The following SYNE1 variants were observed in gnomAD, a reference collection of about 807,000 sequenced individuals.
SYNE1 encodes spectrin repeat containing nuclear envelope protein 1.
SYNE1 carries 616 observed loss-of-function variants against 1,111.0 expected under a neutral mutation model. The ratio of observed to expected loss-of-function variants is 0.55; its 90% CI spans 0.52 to 0.59. The LOEUF (loss-of-function observed/expected upper bound fraction) is 0.59, where lower values mean the gene tolerates loss of function less well. SYNE1 is among the 20% of genes least tolerant of loss of function. The probability of loss-of-function intolerance (pLI) is 0.00; values close to 1 mark genes in which losing one functional copy is unlikely to be tolerated. For missense variants in SYNE1, 10,006 were observed against 10,417.0 expected, an observed-to-expected ratio of 0.96 and a Z score of 1.72; for synonymous variants, 3,855 against 3,825.8, an observed-to-expected ratio of 1.01 and a Z score of -0.28.
chr6:152,286,795 T>A (rs1262849984), intron 95 of SYNE1, among the ~76,000 whole-genome samples: 1 of 152,248 alleles, frequency 6.6e-6, no homozygotes, highest in East Asian at 1.9e-4. Context: ...CTTAATAATA[T>A]CTGTTGATGG....
At chr6:152,350,837 C>T in intron 70 of SYNE1, 67 bp from the exon 71 acceptor site, 2 of 1,582,676 alleles carry the variant, frequency 1.3e-6, no homozygotes, top group Non-Finnish European at 1.7e-6. Flanking sequence ...CATACATATT[C>T]CCATGGTATG....
chr6:152,276,853 G>T (rs1372847361), intron 98 of SYNE1, among the ~76,000 whole-genome samples: 1 of 151,752 alleles, frequency 6.6e-6, no homozygotes, highest in Non-Finnish European at 1.5e-5. Context: ...TAGCAAGAAG[G>T]GTAGGGAAGA....
chr6:152,443,669 A>G (rs1396381883), intron 30 of SYNE1, among the ~76,000 whole-genome samples: 1 of 152,194 alleles, frequency 6.6e-6, no homozygotes, highest in Non-Finnish European at 1.5e-5. Context: ...TACAGAATAT[A>G]TATGTATATA....
chr6:152,539,823 T>G, intron 4 of SYNE1, 137 bp downstream of exon 4: 1 of 1,013,014 alleles, frequency 9.9e-7, no homozygotes, highest in Non-Finnish European at 1.6e-6. Context: ...AGGCAACAGC[T>G]AGACCAACCA....
chr6:152,419,000 A>C (rs527763900), intron 40 of SYNE1, among the ~76,000 whole-genome samples: 1 of 152,248 alleles, frequency 6.6e-6, no homozygotes, highest in East Asian at 1.9e-4. Flanking sequence ...TTAGAGTCTC[A>C]TATTTTGTGG....
intron 91 of SYNE1, among the ~76,000 whole-genome samples, chr6:152,305,446 G>A (rs1308662611): frequency 6.6e-6 from 1 of 152,008 alleles, no homozygotes; most frequent in Non-Finnish European, 1.5e-5. Context: ...TGTATTTTTA[G>A]TAGAGACGGG....
In SYNE1 at chr6:152,326,424, C is replaced by G. The variant is rs760844118; in HGVS notation, c.15165G>C (p.Leu5055=). ...TGATGAGTGGGTCCAGGGTGGCTAC[C>G]AGGCTGTGGAGCTCCTCCAGGTTAC... ...FHSNLEELHS[L]VATLDPLIKP... The change falls in exon 79 of 146, where the codon CTG becomes CTC. Residue 5055 remains leucine, a synonymous_variant. Transcript: ENST00000367255. The G allele has an allele frequency of 1.9e-6, 3 of 1,614,070 alleles. No individual in the cohort carries two copies. The African/African-American group carries it at 4.0e-5, about 22-fold the overall frequency.
In SYNE1 at chr6:152,352,138, A is replaced by G; in HGVS notation, c.11469T>C (p.Asp3823=). The change falls in exon 70 of 146, where the codon GAT becomes GAC. Residue 3823 remains aspartate (D), a synonymous_variant. Coordinates refer to ENST00000367255, the MANE Select transcript of SYNE1 (RefSeq NM_182961.4). ...TCCACTGTGTCAGTGCTTTGCATTT[A>G]TCTGAGAATTCCTTTGCTAAATGAA... The part of the protein sequence containing the change: ...KGLHLAKEFS[D]KCKALTQWIA... 6.2e-7 allele frequency: 1 copy of G among 1,614,160 alleles called. No individual in the cohort carries two copies. The highest frequency in any genetic ancestry group is 8.5e-7 in the Non-Finnish European group (1 of 1,180,032).
chr6:152,198,036 AG>A (rs1243490778), intron 127 of SYNE1, among the ~76,000 whole-genome samples: 1 of 146,352 alleles, frequency 6.8e-6, no homozygotes, highest in Non-Finnish European at 1.5e-5. Context: ...GGGAGAAGGA[AG>A]GAAGGTTAAA....
intron 129 of SYNE1, among the ~76,000 whole-genome samples, chr6:152,178,520 T>A (rs995941693): frequency 3.3e-5 from 5 of 152,220 alleles, no homozygotes; most frequent in African/African-American, 1.2e-4. Context: ...TAATGGCAAA[T>A]CCATTAGATT....
intron 46 of SYNE1, among the ~76,000 whole-genome samples, 177 bp from the exon 47 acceptor site, chr6:152,401,518 C>T (rs1424846298): frequency 6.6e-6 from 1 of 152,204 alleles, no homozygotes; most frequent in Non-Finnish European, 1.5e-5. Flanking sequence ...AGTTGCCAAA[C>T]ACATGAAGTG....
chr6:152,517,579 C>G (rs1409236334), intron 6 of SYNE1, among the ~76,000 whole-genome samples: 1 of 152,180 alleles, frequency 6.6e-6, no homozygotes. Flanking sequence ...CTAGAAACAA[C>G]CCAATTCCCA....
At position 152,301,322 on chromosome 6, in the gene SYNE1, T is replaced by G. The variant is rs991776444; in HGVS notation, c.17542-541A>C. 5.3e-5 allele frequency among the ~76,000 whole-genome samples: 8 copies of G among 152,328 alleles called. No homozygotes were observed. The South Asian group carries it at 1.7e-3, about 32-fold the overall frequency. On this transcript the variant is annotated intron_variant, in intron 92 of 145. Transcript: ENST00000367255. ...CAATGCATTTTAGATGGCAAGTGTA[T>G]AGGAAAATAGTGGTGCAGAATAGAA...
At chr6:152,434,073 C>T (rs900961731) in intron 33 of SYNE1, 128 bp from the exon 34 acceptor site, 2 of 887,422 alleles carry the variant, frequency 2.3e-6, no homozygotes, top group Admixed American at 2.7e-5. Flanking sequence ...TGAAACTATT[C>T]ACGCTAAAAA....
chr6:152,331,299 C>T lies in SYNE1; in HGVS notation c.13386G>A (p.Val4462=), dbSNP rs1174135303. 2 of 1,614,032 alleles carry T rather than the reference C, an allele frequency of 1.2e-6. No individual in the cohort carries two copies. Among genetic ancestry groups the T allele is most frequent in the African/African-American group, 2.7e-5 (2 of 74,918 alleles). ...LSEKTQFLMA[V]FQATSQIQQH... ...GCTGAATTTGGCTGGTGGCCTGGAA[C>T]ACTGCCATGAGAAACTGGGTTTTCT... The change falls in exon 78 of 146, where the codon GTG becomes GTA. Residue 4462 remains valine, a synonymous_variant. Coordinates refer to ENST00000367255, the MANE Select transcript of SYNE1 (RefSeq NM_182961.4).
intron 66 of SYNE1, among the ~76,000 whole-genome samples, chr6:152,357,521 T>C (rs2096858087): frequency 6.6e-6 from 1 of 152,172 alleles, no homozygotes; most frequent in South Asian, 2.1e-4. Context: ...TTCTGCTGTT[T>C]GTTTTGTACA....
At chr6:152,214,570 A>G (rs571909497) in intron 122 of SYNE1, among the ~76,000 whole-genome samples, 1 of 152,330 alleles carries the variant, frequency 6.6e-6, no homozygotes, top group Admixed American at 6.5e-5. Flanking sequence ...TTAGGCCATG[A>G]GGACTCCTCC....
At chr6:152,292,443 C>T (rs1220305855) in intron 95 of SYNE1, among the ~76,000 whole-genome samples, 5 of 152,138 alleles carry the variant, frequency 3.3e-5, no homozygotes, top group Admixed American at 1.3e-4. Flanking sequence ...CTATGCACTT[C>T]GATCTCTATC....
rs2154165740 is a variant in SYNE1 at position 152,407,274 on chromosome 6, T to C, written c.6541-78A>G. The C allele has an allele frequency of 2.2e-6, 3 of 1,380,518 alleles. No homozygotes were observed. In the South Asian group the frequency reaches 3.6e-5, roughly 16 times the overall value. 85.5% of individuals were successfully genotyped at this position (1,380,518 alleles called of 1,614,324 possible). On this transcript the variant is annotated intron_variant, in intron 44 of 145. Transcript: ENST00000367255. ...ATCCCCCAACCAAAGTACCAATGCT[T>C]CTTTTATCAGAAAAGTATATTCTGA...
Sources: gnomAD v4.1 joint callset for allele counts (sites outside exome capture counted in the v4.1 genomes callset) on GRCh38, gnomAD v4.1.1 for gene constraint, MANE v1.5 for transcripts, NCBI Gene and HGNC (gene_info 2026-07-23, HGNC 2026-07-21) for gene names.